WDR7: variants seen among roughly 807,000 people sequenced by gnomAD.
WDR7 encodes WD repeat-containing protein 7.
In WDR7, 46 loss-of-function variants were observed where a neutral mutation model predicts 169.4. The observed-to-expected ratio is 0.27, with a 90% CI of 0.21 to 0.35. The LOEUF (loss-of-function observed/expected upper bound fraction) is 0.35. Ranked by LOEUF, WDR7 falls within the 10% of genes least tolerant of loss-of-function variation. WDR7 has a pLI of 1.00. For synonymous variants in WDR7, 612 were observed against 666.8 expected, an observed-to-expected ratio of 0.92 and a Z score of 1.27; for missense variants, 1,534 against 1,859.3, an observed-to-expected ratio of 0.83 and a Z score of 3.22.
chr18:56,937,663 A>C (rs1361815215), intron 23 of WDR7, among the ~76,000 whole-genome samples: 1 of 152,134 alleles, frequency 6.6e-6, no homozygotes, highest in Non-Finnish European at 1.5e-5. Flanking sequence ...GTTCATATGG[A>C]TTTTCCAACT....
In WDR7 at chr18:56,932,919, C is replaced by A. The variant is rs148619890; in HGVS notation, c.3714-2869C>A. On this transcript the variant is annotated intron_variant, in intron 22 of 27. Transcript: ENST00000254442. ...TGTGTGTGTGTGTCTATCTGTCTGT[C>A]TCCCTCTCTTAGCTTCTCACTAAAC... Among the ~76,000 whole-genome samples the A allele has an allele frequency of 3.9e-3, 596 of 151,134 alleles. 2 individuals are homozygous for A. The highest frequency in any genetic ancestry group is 0.013 in the African/African-American group (522 of 41,122).
intron 16 of WDR7, among the ~76,000 whole-genome samples, chr18:56,766,736 C>T (rs1234776241): frequency 6.6e-6 from 1 of 151,488 alleles, no homozygotes; most frequent in African/African-American, 2.4e-5. Context: ...TATGTGTCCC[C>T]AGAATTTTGA....
intron 7 of WDR7, 128 bp downstream of exon 7, chr18:56,687,102 T>A: frequency 1.1e-6 from 1 of 915,190 alleles, no homozygotes; most frequent in Non-Finnish European, 1.6e-6. Context: ...TCATGTCTGC[T>A]TTTGATATCA....
In WDR7 at chr18:56,767,823, A is replaced by G. The variant is rs987620122; in HGVS notation, c.2848+8870A>G. 6.6e-5 allele frequency among the ~76,000 whole-genome samples: 10 copies of G among 152,306 alleles called. No homozygotes were observed. In the South Asian group the frequency reaches 2.1e-3, roughly 32 times the overall value. ...ATGTATTCTTAGTAATGGTAGTATGATTAGGACACAACCAGCACTTTTTAA... is the reference window on the plus strand; with the variant it reads ...ATGTATTCTTAGTAATGGTAGTATGGTTAGGACACAACCAGCACTTTTTAA... On this transcript the variant is annotated intron_variant, in intron 16 of 27. Coordinates refer to ENST00000254442, the MANE Select transcript of WDR7 (RefSeq NM_015285.3).
intron 14 of WDR7, among the ~76,000 whole-genome samples, chr18:56,744,066 C>T (rs1402141645): frequency 2.0e-5 from 3 of 151,758 alleles, no homozygotes; most frequent in Admixed American, 1.3e-4. Flanking sequence ...GGTGAAACCC[C>T]GTCTCTACTA....
intron 12 of WDR7, among the ~76,000 whole-genome samples, chr18:56,717,128 T>C (rs922332209): frequency 2.0e-5 from 3 of 152,234 alleles, no homozygotes; most frequent in African/African-American, 4.8e-5. Flanking sequence ...TGTTTTTATG[T>C]GGTTTCCCTC....
intron 27 of WDR7, among the ~76,000 whole-genome samples, chr18:57,021,365 C>G (rs2048287985): frequency 6.6e-6 from 1 of 152,124 alleles, no homozygotes; most frequent in Non-Finnish European, 1.5e-5. Context: ...TACACGAGGC[C>G]TTCACACTTG....
intron 18 of WDR7, 61 bp from the exon 19 acceptor site, chr18:56,781,472 T>A: frequency 7.1e-7 from 1 of 1,402,854 alleles, no homozygotes; most frequent in Non-Finnish European, 9.4e-7. Context: ...TTCTAGTTTA[T>A]GAATATTCAC....
At chr18:56,857,820 G>A (rs2045745864) in intron 20 of WDR7, among the ~76,000 whole-genome samples, 1 of 152,154 alleles carries the variant, frequency 6.6e-6, no homozygotes, top group Non-Finnish European at 1.5e-5. Context: ...AGGACCGCCA[G>A]CTAGCAGACC....
intron 19 of WDR7, among the ~76,000 whole-genome samples, chr18:56,790,068 A>T (rs1213064045): frequency 6.6e-6 from 1 of 152,238 alleles, no homozygotes; most frequent in Non-Finnish European, 1.5e-5. Flanking sequence ...TTGCTGAAGA[A>T]CAAAAATTTA....
At chr18:56,792,390 T>C (rs1417208614) in intron 19 of WDR7, among the ~76,000 whole-genome samples, 2 of 152,042 alleles carry the variant, frequency 1.3e-5, no homozygotes. Flanking sequence ...GTGGAAAGAG[T>C]AGTATCTCCT....
At chr18:56,894,070 C>T (rs2046299337) in intron 21 of WDR7, among the ~76,000 whole-genome samples, 1 of 152,008 alleles carries the variant, frequency 6.6e-6, no homozygotes, top group Non-Finnish European at 1.5e-5. Flanking sequence ...TCTGACATAA[C>T]ACATCTAATC....
intron 25 of WDR7, among the ~76,000 whole-genome samples, chr18:56,961,349 C>T (rs1412366909): frequency 6.6e-6 from 1 of 151,908 alleles, no homozygotes; most frequent in African/African-American, 2.4e-5. Flanking sequence ...TCTTCCTCCC[C>T]CCTTATAAAA....
chr18:56,728,558 C>T (rs1190706832), intron 13 of WDR7, among the ~76,000 whole-genome samples: 17 of 152,192 alleles, frequency 1.1e-4, no homozygotes, highest in Admixed American at 1.1e-3. Flanking sequence ...CATCCTTTCT[C>T]CCCTTTTGGG....
chr18:56,947,837 T>C (rs1388980938), intron 25 of WDR7, among the ~76,000 whole-genome samples: 1 of 152,256 alleles, frequency 6.6e-6, no homozygotes, highest in African/African-American at 2.4e-5. Context: ...CCAAAAGGAA[T>C]GCTTGTTTTT....
At chr18:56,691,644 C>G in intron 8 of WDR7, 71 bp from the exon 9 acceptor site, 1 of 1,331,216 alleles carries the variant, frequency 7.5e-7, no homozygotes, top group Non-Finnish European at 1.0e-6. Flanking sequence ...ACCAACAAAC[C>G]TTGTCATATG....
chr18:56,876,578 T>G (rs1451725073), intron 20 of WDR7, among the ~76,000 whole-genome samples: 5 of 152,146 alleles, frequency 3.3e-5, no homozygotes, highest in Non-Finnish European at 5.9e-5. Context: ...GAATAAAGTT[T>G]AAAGCCAGGA....
rs566450410 is a variant in WDR7, at chr18:56,833,961, C to G, written c.3304+17817C>G. Among the ~76,000 whole-genome samples, 3 of 152,312 alleles carry G rather than the reference C, an allele frequency of 2.0e-5. No homozygotes were observed. The South Asian group carries it at 6.2e-4, about 32-fold the overall frequency. ...GTTCAGCTTAGCTATGTCCTCTGCT[C>G]TAGGACACAAAAGGCTTCAGTCAAG... On this transcript the variant is annotated intron_variant, in intron 20 of 27. Transcript: ENST00000254442.
intron 1 of WDR7, among the ~76,000 whole-genome samples, chr18:56,658,185 C>A (rs1218951780): frequency 1.3e-5 from 2 of 152,114 alleles, no homozygotes; most frequent in African/African-American, 4.8e-5. Flanking sequence ...CTCACTGCAA[C>A]CTCTGCCTCC....
Sources: allele counts gnomAD v4.1 joint callset (sites outside exome capture counted in the v4.1 genomes callset), GRCh38; gene constraint gnomAD v4.1.1; transcripts MANE v1.5; gene names NCBI Gene and HGNC (gene_info 2026-07-23, HGNC 2026-07-21).